Variants in WDR86 observed in about 807,000 individuals in gnomAD.
WDR86 encodes WD repeat-containing protein 86.
In WDR86, 30 loss-of-function variants were observed where a neutral mutation model predicts 36.5. The observed-to-expected ratio is 0.82, with a 90% confidence interval of 0.61 to 1.11. The LOEUF (loss-of-function observed/expected upper bound fraction) is 1.11. Among genes scored for constraint, WDR86 ranks in the 50% most tolerant of loss-of-function variants. The pLI, the probability that WDR86 is intolerant of heterozygous loss-of-function variation, is 0.00. For synonymous variants in WDR86, 255 were observed against 252.9 expected (o/e 1.01, Z -0.08); for missense variants, 545 against 561.2 (o/e 0.97, Z 0.29).
downstream of WDR86, chr7:151,376,194 A>C: frequency 2.0e-6 from 1 of 499,662 alleles, no homozygotes; most frequent in South Asian, 2.1e-5. Flanking sequence ...TTGTCTATGC[A>C]CCACTGTTTG....
chr7:151,398,423 TGC>T, intron 2 of WDR86, among the ~76,000 whole-genome samples: 1 of 78,730 alleles, frequency 1.3e-5, no homozygotes. Flanking sequence ...TGTGCGTGTG[TGC>T]ACATGTGTAA....
downstream of WDR86, among the ~76,000 whole-genome samples, chr7:151,373,601 C>T (rs539178322): frequency 3.9e-5 from 6 of 152,322 alleles, no homozygotes; most frequent in East Asian, 7.7e-4. Context: ...CTGTGGGGGG[C>T]GGGTCACCAG....
chr7:151,393,702 C>T (rs1432219395), intron 3 of WDR86, among the ~76,000 whole-genome samples: 1 of 152,096 alleles, frequency 6.6e-6, no homozygotes, highest in African/African-American at 2.4e-5. Context: ...TAGGGGGGGT[C>T]TCAGCCTCAC....
chr7:151,393,516 C>T (rs1422023598), intron 3 of WDR86, among the ~76,000 whole-genome samples: 1 of 152,182 alleles, frequency 6.6e-6, no homozygotes, highest in Non-Finnish European at 1.5e-5. Context: ...CCCCTCCGTC[C>T]AGCACCAGCC....
intron 3 of WDR86, among the ~76,000 whole-genome samples, chr7:151,394,335 C>A (rs1286102982): frequency 6.6e-6 from 1 of 152,194 alleles, no homozygotes; most frequent in African/African-American, 2.4e-5. Flanking sequence ...GCCGCCTCTA[C>A]CCCTACAACC....
chr7:151,382,438 G>C (rs180959347), intron 4 of WDR86, among the ~76,000 whole-genome samples: 110 of 152,288 alleles, frequency 7.2e-4, no homozygotes, highest in African/African-American at 2.6e-3. Context: ...CCCCTAGCGG[G>C]GGCGAGCCTC....
rs564524192 is a variant in WDR86 at position 151,404,035 on chromosome 7, G to A, written c.164-3794C>T. On this transcript the variant is annotated intron_variant, in intron 1 of 5. Coordinates refer to ENST00000334493, the MANE Select transcript of WDR86 (RefSeq NM_198285.3). The stretch of plus-strand genomic sequence containing the variant: ...CAAGAAAAGCACTTAAAAGCCAATG[G>A]CGGCTAGTGAGCTGTGGCATCTCTA... Among the ~76,000 whole-genome samples the A allele has an allele frequency of 9.8e-5, 15 of 152,328 alleles. 1 individual carries two copies. The South Asian group carries it at 1.5e-3, about 15-fold the overall frequency.
chr7:151,397,297 G>A (rs1799893950), intron 2 of WDR86, among the ~76,000 whole-genome samples: 1 of 152,194 alleles, frequency 6.6e-6, no homozygotes, highest in South Asian at 2.1e-4. Flanking sequence ...GCCTCCACAG[G>A]ATCCCAACAG....
intron 4 of WDR86, among the ~76,000 whole-genome samples, chr7:151,383,075 T>C (rs1238312851): frequency 6.8e-6 from 1 of 146,920 alleles, no homozygotes; most frequent in Non-Finnish European, 1.5e-5. Flanking sequence ...AACCTTGAAC[T>C]CCTGGGCTCA....
At chr7:151,384,959 G>A (rs73474438) in intron 4 of WDR86, 129 bp downstream of exon 4, 16 of 1,040,148 alleles carry the variant, frequency 1.5e-5, no homozygotes, top group Middle Eastern at 3.2e-4. Flanking sequence ...GAGAAGGAAC[G>A]AGCACTGCCA....
rs368467970 is a variant in WDR86, at chr7:151,395,715, G to A, written c.726+61C>T. 872 of 1,476,108 alleles carry A rather than the reference G, an allele frequency of 5.9e-4. 5 individuals are homozygous for A. In the African/African-American group the frequency reaches 8.5e-3, roughly 14 times the overall value. The allele number at this position is 1,476,108 out of a possible 1,614,324, so 91.4% of individuals were successfully genotyped here. A position where few individuals can be genotyped will look rare whatever the true frequency, so the allele number is the denominator to read the frequency against. On this transcript the variant is annotated intron_variant, in intron 3 of 5. Transcript: ENST00000334493. ...GAATCACAGATACCCAGGGCAGGGC[G>A]GCAGTGCAGGGGGTGACCTGGGCTC... is the stretch of plus-strand genomic sequence containing the variant.
intron 4 of WDR86, among the ~76,000 whole-genome samples, chr7:151,383,625 C>T (rs564996035): frequency 2.7e-4 from 41 of 152,312 alleles, no homozygotes; most frequent in Non-Finnish European, 5.7e-4. Context: ...CCTGTTCCAG[C>T]CTTTTTGTTA....
downstream of WDR86, among the ~76,000 whole-genome samples, chr7:151,373,446 G>A (rs990099373): frequency 2.0e-5 from 3 of 152,142 alleles, no homozygotes; most frequent in Admixed American, 6.5e-5. Flanking sequence ...CTCTGCAGCC[G>A]TCCTGCGCTC....
At chr7:151,402,526 G>A (rs998467700) in intron 1 of WDR86, among the ~76,000 whole-genome samples, 11 of 152,222 alleles carry the variant, frequency 7.2e-5, no homozygotes, top group Admixed American at 2.0e-4. Context: ...GCTGGGGCTC[G>A]GGAGAGAAGC....
intron 3 of WDR86, among the ~76,000 whole-genome samples, chr7:151,394,128 G>C (rs1047809520): frequency 6.6e-6 from 1 of 152,136 alleles, no homozygotes; most frequent in African/African-American, 2.4e-5. Flanking sequence ...TCCCCACGAC[G>C]AGCTGCTCTC....
chr7:151,395,736 G>GGC, intron 3 of WDR86, 40 bp downstream of exon 3: 1 of 1,513,334 alleles, frequency 6.6e-7, no homozygotes, highest in Non-Finnish European at 8.9e-7. Flanking sequence ...GGGTGACCTG[G>GGC]GCTCCCCTGG....
rs1483607009 is a variant in WDR86, at chr7:151,381,395, C to G, written c.*187G>C. 6.8e-7 allele frequency: 1 copy of G among 1,474,824 alleles called. No homozygotes were observed. Among genetic ancestry groups the G allele is most frequent in the Non-Finnish European group, 8.9e-7 (1 of 1,121,808 alleles). 91.4% of individuals were successfully genotyped at this position (1,474,824 alleles called of 1,614,324 possible). The stretch of plus-strand genomic sequence containing the variant: ...AAGGGGGCGGTCCCCAGGGCGAGCA[C>G]TCCCGCTCCCAGCGCCTCCTGGCCA... On this transcript the variant is annotated 3_prime_UTR_variant, in exon 6 of 6. Transcript: ENST00000334493. This position sits in a 1 kb window ranked among gnomAD's most constrained non-coding sequence, Gnocchi z 4.8.
chr7:151,393,113 T>G (rs1585017997), intron 3 of WDR86, among the ~76,000 whole-genome samples: 1 of 152,190 alleles, frequency 6.6e-6, no homozygotes, highest in Non-Finnish European at 1.5e-5. Context: ...GGCCCCCGGG[T>G]GCTCTCTCTT....
intron 1 of WDR86, among the ~76,000 whole-genome samples, chr7:151,408,184 T>TTTTTC (rs533965608): frequency 7.1e-6 from 1 of 139,922 alleles, no homozygotes; most frequent in Non-Finnish European, 1.5e-5. Context: ...ATGTAATATT[T>TTTTTC]TTTTCTTTTC....
Sources: gnomAD v4.1 joint callset for allele counts (sites outside exome capture counted in the v4.1 genomes callset) on GRCh38, gnomAD v4.1.1 for gene constraint, Gnocchi (gnomAD v3.1) non-coding constraint, MANE v1.5 for transcripts, NCBI Gene and HGNC (gene_info 2026-07-23, HGNC 2026-07-21) for gene names.